UMODL1: variants seen among roughly 807,000 people sequenced by gnomAD.
UMODL1 encodes uromodulin like 1, also known as uromodulin-like 1.
A neutral mutation model predicts 136.3 loss-of-function variants in UMODL1; 128 were observed. That is an observed-to-expected ratio of 0.94 (90% CI 0.81 to 1.09). UMODL1 has a LOEUF of 1.09. Ranked by LOEUF, UMODL1 falls within the 50% of genes least tolerant of loss-of-function variation. The pLI is 0.00. For synonymous variants in UMODL1, 721 were observed against 720.0 expected (o/e 1.00, Z -0.02); for missense variants, 1,766 against 1,725.6 (o/e 1.02, Z -0.41).
chr21:42,122,617 ATG>A lies in UMODL1; in HGVS notation c.2828-207_2828-206del, dbSNP rs2066988820. Among the ~76,000 whole-genome samples, 1 of 147,242 alleles carries A rather than the reference ATG, an allele frequency of 6.8e-6. No individual in the cohort carries two copies. Among genetic ancestry groups the A allele is most frequent in the African/African-American group, 2.6e-5 (1 of 38,026 alleles). On this transcript the variant is annotated intron_variant, in intron 16 of 22. Transcript: ENST00000408910. This position sits in a 1 kb window ranked among gnomAD's most constrained non-coding sequence, Gnocchi z 4.3. ...TGCATGTGTGTGCATCTCTGCGTGC[ATG>A]TGTGTGCATGCACGTGTGTGTACGT...
intron 2 of UMODL1, among the ~76,000 whole-genome samples, chr21:42,077,119 T>G (rs1042022601): frequency 1.4e-5 from 2 of 147,008 alleles, no homozygotes; most frequent in Non-Finnish European, 3.0e-5. Flanking sequence ...TTCTGTACAG[T>G]CAGAAGGTCC....
At chr21:42,127,535 AGGTGCCC>A (rs1287886422) in intron 19 of UMODL1, 130 bp from the exon 20 acceptor site, 2 of 1,078,454 alleles carry the variant, frequency 1.9e-6, no homozygotes, top group African/African-American at 3.2e-5. Flanking sequence ...GGAACAAATG[AGGTGCCC>A]GGTCCTCGAC....
At chr21:42,135,697 G>C (rs2067196799) in intron 21 of UMODL1, among the ~76,000 whole-genome samples, 1 of 152,218 alleles carries the variant, frequency 6.6e-6, no homozygotes, top group South Asian at 2.1e-4. Flanking sequence ...GGCCGGCCGG[G>C]ATCTGGGGGC....
At chr21:42,095,674 G>A (rs1438463195) in intron 6 of UMODL1, among the ~76,000 whole-genome samples, 1 of 152,180 alleles carries the variant, frequency 6.6e-6, no homozygotes, top group Non-Finnish European at 1.5e-5. Context: ...TCATTATTCA[G>A]CCTGCTACTG....
At chr21:42,130,635 C>T (rs1055207248) in intron 21 of UMODL1, among the ~76,000 whole-genome samples, 12 of 151,960 alleles carry the variant, frequency 7.9e-5, no homozygotes, top group African/African-American at 2.9e-4. Flanking sequence ...ACCAATGACA[C>T]GTAAGTGGAA....
At chr21:42,068,930 C>T (rs2146407501), upstream of UMODL1, among the ~76,000 whole-genome samples, 2 of 152,318 alleles carry the variant, frequency 1.3e-5, no homozygotes, top group South Asian at 4.1e-4. The surrounding 1 kb of genome is among the most constrained non-coding windows in gnomAD (Gnocchi z 5.5). Flanking sequence ...CACCAGTGGC[C>T]TCCATTGTCT....
intron 20 of UMODL1, among the ~76,000 whole-genome samples, chr21:42,129,083 C>G (rs908241615): frequency 6.6e-6 from 1 of 151,694 alleles, no homozygotes; most frequent in Non-Finnish European, 1.5e-5. Flanking sequence ...GTGTTGCCTT[C>G]CCTCAGTACA....
chr21:42,065,753 C>T (rs1026427760), intron 1 of UMODL1, among the ~76,000 whole-genome samples: 3 of 152,004 alleles, frequency 2.0e-5, no homozygotes, highest in Non-Finnish European at 4.4e-5. Context: ...AGGAGGGCCT[C>T]GATCTGCTGA....
At chr21:42,127,352 A>G (rs963302300) in intron 19 of UMODL1, 110 bp downstream of exon 19, 2 of 1,067,682 alleles carry the variant, frequency 1.9e-6, no homozygotes. Context: ...CCAGGGCTTC[A>G]TTAACAATAG....
chr21:42,080,953 T>C (rs796609784), intron 2 of UMODL1, among the ~76,000 whole-genome samples: 12 of 152,246 alleles, frequency 7.9e-5, no homozygotes, highest in African/African-American at 2.7e-4. Flanking sequence ...TTCCAATTAC[T>C]CATTATCATA....
rs59428323 is a variant in UMODL1, at chr21:42,122,662, C to CGTGTGT, written c.2828-155_2828-150dup. Among the ~76,000 whole-genome samples the CGTGTGT allele has an allele frequency of 6.7e-6, 1 of 150,274 alleles. No homozygotes were observed. The highest frequency in any genetic ancestry group is 1.5e-5 in the Non-Finnish European group (1 of 67,332). On this transcript the variant is annotated intron_variant, in intron 16 of 22. Coordinates refer to ENST00000408910, the MANE Select transcript of UMODL1 (RefSeq NM_001004416.3). The surrounding 1 kb of genome is among the most constrained non-coding windows in gnomAD (Gnocchi z 4.3). Reference sequence around the variant, plus strand: ...GTGTACGTGTGTGTGCATATGTGTGCGTGTGTGTGTGTGTGTGTGCACGTG... The same window carrying CGTGTGT: ...GTGTACGTGTGTGTGCATATGTGTGCGTGTGTGTGTGTGTGTGTGTGTGTGCACGTG...
chr21:42,113,535 C>A, intron 12 of UMODL1, 38 bp from the exon 13 acceptor site: 2 of 1,584,460 alleles, frequency 1.3e-6, no homozygotes, highest in Non-Finnish European at 1.7e-6. Flanking sequence ...CTAGAAATGG[C>A]TTGATTGTAA....
intron 22 of UMODL1, among the ~76,000 whole-genome samples, chr21:42,141,703 C>T (rs144684912): frequency 0.022 from 3,367 of 152,304 alleles, 109 homozygotes; most frequent in Admixed American, 0.09. Context: ...AAACCATCAG[C>T]CAACCCACCC....
chr21:42,125,160 G>A (rs922791577), intron 17 of UMODL1, among the ~76,000 whole-genome samples: 3 of 152,194 alleles, frequency 2.0e-5, no homozygotes, highest in Non-Finnish European at 2.9e-5. Flanking sequence ...TCTGGGAGCC[G>A]ACAAAGTGGG....
chr21:42,119,415 T>C lies in UMODL1; in HGVS notation c.2689+91T>C, dbSNP rs2066941770. The C allele has an allele frequency of 5.1e-6, 6 of 1,174,978 alleles. No homozygotes were observed. In the East Asian group the frequency reaches 1.2e-4, roughly 23 times the overall value. The allele number at this position is 1,174,978 out of a possible 1,614,324, so 72.8% of individuals were successfully genotyped here. Reference sequence around the variant, plus strand: ...CACCCTTCGCTTTTGAAAGATGTCGTGTTGTGCCCATGTGGTCCTTCTTCC... The same window carrying C: ...CACCCTTCGCTTTTGAAAGATGTCGCGTTGTGCCCATGTGGTCCTTCTTCC... On this transcript the variant is annotated intron_variant, in intron 15 of 22. Transcript: ENST00000408910.
rs1644074664 is a variant in UMODL1, at chr21:42,088,350, T to C, written c.660T>C (p.Pro220=). Residue 220 remains proline, a synonymous_variant, in exon 5 of 23, where the codon CCT becomes CCC. Coordinates refer to ENST00000408910, the MANE Select transcript of UMODL1 (RefSeq NM_001004416.3). ...CCGTCCACCACCTGCACTCAGCCCC[T>C]GGGAACGCCTCCACCACAGTGTCGC... ...ASTVHHLHSA[P]GNASTTVSRL... 1.9e-6 allele frequency: 3 copies of C among 1,613,904 alleles called. No homozygotes were observed. The highest frequency in any genetic ancestry group is 2.7e-5 in the African/African-American group (2 of 75,044).
At chr21:42,119,035 A>G (rs1569168473) in intron 14 of UMODL1, 76 bp from the exon 15 acceptor site, 5 of 1,485,584 alleles carry the variant, frequency 3.4e-6, no homozygotes, top group Non-Finnish European at 4.6e-6. Flanking sequence ...GCAGACTGGC[A>G]GGAGGAACCG....
chr21:42,090,361 T>C lies in UMODL1; in HGVS notation c.854T>C (p.Leu285Pro). The C allele has an allele frequency of 6.2e-7, 1 of 1,614,140 alleles. No individual in the cohort carries two copies. The highest frequency in any genetic ancestry group is 8.5e-7 in the Non-Finnish European group (1 of 1,179,988). Residue 285 changes from leucine (L) to proline (P), a missense_variant, in exon 6 of 23, where the codon CTG (leucine) becomes CCG (proline). Leu to Pro is a moderately conservative substitution (Grantham distance 98). Coordinates refer to ENST00000408910, the MANE Select transcript of UMODL1 (RefSeq NM_001004416.3). ...TCTGGAAGGGAACTGTGCGCAAACC[T>C]GGAGGGCTCGTACTGGTGCGTCTGT... ...ACSGRELCAN[L>P]EGSYWCVCHQ...
intron 3 of UMODL1, among the ~76,000 whole-genome samples, chr21:42,084,632 C>T (rs1374221187): frequency 6.6e-6 from 1 of 152,092 alleles, no homozygotes; most frequent in East Asian, 1.9e-4. Context: ...CAGGCCCTGC[C>T]ACCTCAGATA....
Sources: allele counts gnomAD v4.1 joint callset (sites outside exome capture counted in the v4.1 genomes callset), GRCh38; gene constraint gnomAD v4.1.1; non-coding constraint Gnocchi (gnomAD v3.1); transcripts MANE v1.5; gene names NCBI Gene and HGNC (gene_info 2026-07-23, HGNC 2026-07-21).